R3HDM2: variants seen among roughly 807,000 people sequenced by gnomAD.
R3HDM2 encodes the protein R3H domain containing 2, also known as R3H domain-containing protein 2.
A neutral mutation model predicts 124.5 loss-of-function variants in R3HDM2; 38 were observed. That is an observed-to-expected ratio of 0.31 (90% CI 0.24 to 0.40). The LOEUF is 0.40. Ranked by LOEUF, R3HDM2 falls within the 10% of genes least tolerant of loss-of-function variation. R3HDM2 has a pLI of 1.00. For missense variants in R3HDM2, 869 were observed against 1,236.9 expected, an observed-to-expected ratio of 0.70 and a Z score of 4.46; for synonymous variants, 391 against 448.0, an observed-to-expected ratio of 0.87 and a Z score of 1.61.
At chr12:57,360,248 G>A (rs2061769247) in intron 2 of R3HDM2, among the ~76,000 whole-genome samples, 1 of 151,198 alleles carries the variant, frequency 6.6e-6, no homozygotes. Context: ...GGCTGGTCTC[G>A]AACTCCGGAC....
intron 2 of R3HDM2, among the ~76,000 whole-genome samples, chr12:57,346,172 A>AG (rs1478943497): frequency 1.4e-5 from 2 of 148,140 alleles, no homozygotes; most frequent in East Asian, 2.0e-4. Context: ...AAAAAAAAAA[A>AG]AAGGCCTGGA....
intron 2 of R3HDM2, among the ~76,000 whole-genome samples, chr12:57,346,998 A>G (rs1319879394): frequency 6.6e-6 from 1 of 152,154 alleles, no homozygotes; most frequent in Non-Finnish European, 1.5e-5. Flanking sequence ...TAATCCCAGC[A>G]TGTAAGGAGG....
intron 2 of R3HDM2, among the ~76,000 whole-genome samples, chr12:57,392,430 C>T (rs536639719): frequency 2.2e-4 from 33 of 152,250 alleles, no homozygotes; most frequent in African/African-American, 7.7e-4. Context: ...AGTTCACACT[C>T]CTATGAGAAT....
At chr12:57,319,328 G>A (rs751537015) in intron 2 of R3HDM2, among the ~76,000 whole-genome samples, 21 of 152,054 alleles carry the variant, frequency 1.4e-4, no homozygotes, top group South Asian at 2.1e-4. Flanking sequence ...GAGCCACTAC[G>A]CCCAGCCTTA....
At chr12:57,394,231 A>G (rs2067150114) in intron 2 of R3HDM2, among the ~76,000 whole-genome samples, 1 of 151,732 alleles carries the variant, frequency 6.6e-6, no homozygotes, top group African/African-American at 2.4e-5. Flanking sequence ...TGGGAGGCAG[A>G]GGTTAAAGTG....
chr12:57,422,122 T>C (rs1241709379), intron 1 of R3HDM2, among the ~76,000 whole-genome samples: 3 of 151,144 alleles, frequency 2.0e-5, no homozygotes, highest in Non-Finnish European at 4.4e-5. Context: ...AAAAAAATTT[T>C]GAGTCCATCT....
chr12:57,413,291 A>G (rs996570062), intron 1 of R3HDM2, among the ~76,000 whole-genome samples: 6 of 152,112 alleles, frequency 3.9e-5, no homozygotes, highest in Admixed American at 3.3e-4. Context: ...TCACTTCATT[A>G]TGTGAAATAA....
intron 2 of R3HDM2, among the ~76,000 whole-genome samples, chr12:57,348,693 CAAAAA>C (rs1168127324): frequency 1.6e-4 from 4 of 25,134 alleles, no homozygotes; most frequent in African/African-American, 6.6e-4. Context: ...GACTCCGTCT[CAAAAA>C]AAAAAAAAAA....
chr12:57,426,097 C>T (rs1206657455), intron 1 of R3HDM2, among the ~76,000 whole-genome samples: 1 of 151,946 alleles, frequency 6.6e-6, no homozygotes, highest in Admixed American at 6.6e-5. Context: ...GCGTGGTAGC[C>T]GATGCCTGTA....
intron 1 of R3HDM2, among the ~76,000 whole-genome samples, chr12:57,422,514 C>T (rs909789330): frequency 6.6e-6 from 1 of 152,188 alleles, no homozygotes; most frequent in African/African-American, 2.4e-5. Context: ...CTTCACCTAG[C>T]TAACTCCCAG....
At chr12:57,396,149 A>G (rs1408068523) in intron 1 of R3HDM2, among the ~76,000 whole-genome samples, 1 of 152,198 alleles carries the variant, frequency 6.6e-6, no homozygotes, top group African/African-American at 2.4e-5. Flanking sequence ...CATTAAAAAG[A>G]GTAGTCTAGG....
chr12:57,371,206 C>T lies in R3HDM2; in HGVS notation c.-36+24543G>A, dbSNP rs149637620. ...AGTGCCTAAATGATTAACAGCTACC[C>T]TTTTTCTGCCTACAGTAACATAAAA... is the stretch of plus-strand genomic sequence containing the variant. On this transcript the variant is annotated intron_variant, in intron 2 of 23. Coordinates refer to ENST00000402412, the MANE Select transcript of R3HDM2 (RefSeq NM_001394031.1). 1.5e-3 allele frequency among the ~76,000 whole-genome samples: 213 copies of T among 143,730 alleles called. 2 individuals carry two copies. Among genetic ancestry groups the T allele is most frequent in the African/African-American group, 5.2e-3 (202 of 39,144 alleles). The allele number at this position is 143,730 out of a possible 152,430, so 94.3% of individuals were successfully genotyped here.
At chr12:57,405,877 G>A (rs1263362130) in intron 1 of R3HDM2, among the ~76,000 whole-genome samples, 2 of 152,108 alleles carry the variant, frequency 1.3e-5, no homozygotes, top group Non-Finnish European at 1.5e-5. Flanking sequence ...GTTCAGAAAT[G>A]AAAATGTAAA....
At chr12:57,380,957 C>T (rs974474713) in intron 2 of R3HDM2, among the ~76,000 whole-genome samples, 5 of 152,096 alleles carry the variant, frequency 3.3e-5, no homozygotes, top group Admixed American at 1.3e-4. Context: ...AGGCCGGGCA[C>T]GGTGGCCCAC....
At chr12:57,331,268 G>A (rs769477496) in intron 2 of R3HDM2, among the ~76,000 whole-genome samples, 1 of 151,960 alleles carries the variant, frequency 6.6e-6, no homozygotes, top group Non-Finnish European at 1.5e-5. Flanking sequence ...TCCCCCAATG[G>A]GTCTCCATCT....
chr12:57,387,405 G>C (rs931526997), intron 2 of R3HDM2, among the ~76,000 whole-genome samples: 1 of 152,020 alleles, frequency 6.6e-6, no homozygotes, highest in East Asian at 1.9e-4. Context: ...CAGACACACC[G>C]CCTTTAAGAA....
chr12:57,407,455 G>A (rs2139187963), intron 1 of R3HDM2, among the ~76,000 whole-genome samples: 1 of 151,502 alleles, frequency 6.6e-6, no homozygotes, highest in East Asian at 2.0e-4. Flanking sequence ...GCCCAGGCTG[G>A]AGTGCAGTGG....
chr12:57,406,292 G>C (rs1348079763), intron 1 of R3HDM2, among the ~76,000 whole-genome samples: 2 of 145,354 alleles, frequency 1.4e-5, no homozygotes, highest in African/African-American at 5.1e-5. Flanking sequence ...CTGCACTCCA[G>C]CCTGGGCAAC....
intron 2 of R3HDM2, among the ~76,000 whole-genome samples, chr12:57,349,330 AG>A (rs2060416892): frequency 7.4e-6 from 1 of 135,720 alleles, no homozygotes; most frequent in Non-Finnish European, 1.5e-5. Flanking sequence ...CAGTGAGCCG[AG>A]ATCTCGCCAC....
Sources: allele counts gnomAD v4.1 joint callset (sites outside exome capture counted in the v4.1 genomes callset), GRCh38; gene constraint gnomAD v4.1.1; transcripts MANE v1.5; gene names NCBI Gene and HGNC (gene_info 2026-07-23, HGNC 2026-07-21).